SLC18A1: variants seen among roughly 807,000 people sequenced by gnomAD.
SLC18A1 encodes the protein solute carrier family 18 member A1, also known as chromaffin granule amine transporter.
Under a neutral mutation model 53.7 loss-of-function variants are expected in SLC18A1, and 69 were observed. That is an observed-to-expected ratio of 1.28 (90% CI 1.06 to 1.57). SLC18A1 has a LOEUF of 1.57. SLC18A1 is among the 40% of genes most tolerant of loss of function. The pLI is 0.00. For synonymous variants in SLC18A1, 320 were observed against 248.1 expected (o/e 1.29, Z -2.72); for missense variants, 932 against 668.1 (o/e 1.40, Z -4.35).
intron 10 of SLC18A1, among the ~76,000 whole-genome samples, chr8:20,152,794 A>G (rs892114737): frequency 3.9e-5 from 6 of 152,366 alleles, no homozygotes; most frequent in South Asian, 2.1e-4. Flanking sequence ...CAGAGATAGC[A>G]CAGGAGATGA....
chr8:20,156,249 T>C (rs1446997897), intron 10 of SLC18A1, among the ~76,000 whole-genome samples: 1 of 117,826 alleles, frequency 8.5e-6, no homozygotes, highest in Non-Finnish European at 1.8e-5. Flanking sequence ...TTCAGAACTA[T>C]CCTAAGTCAA....
Position 20,179,298 on chromosome 8 carries a change from T to C in SLC18A1, c.311A>G (p.Asn104Ser), listed in dbSNP as rs2072350933. ...ESVPSGIAWMNDTASTIPPPA... is the reference protein window; with the variant it reads ...ESVPSGIAWMSDTASTIPPPA... ...AGGTGGGATGGTGCTGGCAGTGTCA[T>C]TCATCCATGCTATTCCACTAGGTAC... is the stretch of plus-strand genomic sequence containing the variant. Residue 104 changes from asparagine to serine, a missense_variant, in exon 3 of 16, where the codon AAT (asparagine) becomes AGT (serine). By Grantham distance (46) the Asn-to-Ser change is conservative (BLOSUM62 1). Coordinates refer to ENST00000276373, the MANE Select transcript of SLC18A1 (RefSeq NM_003053.4). 5 of 1,614,074 alleles carry C rather than the reference T, an allele frequency of 3.1e-6. No individual in the cohort carries two copies. The South Asian group carries it at 4.4e-5, about 14-fold the overall frequency.
rs2071916330 is a variant in SLC18A1 at position 20,164,900 on chromosome 8, C to T, written c.984G>A (p.Met328Ile). 6.2e-7 allele frequency: 1 copy of T among 1,613,674 alleles called. No individual in the cohort carries two copies. The highest frequency in any genetic ancestry group is 8.5e-7 in the Non-Finnish European group (1 of 1,179,636). Residue 328 changes from methionine (M) to isoleucine (I), a missense_variant, in exon 10 of 16, where the codon ATG becomes ATA. By Grantham distance (10) the Met-to-Ile change is conservative. Transcript: ENST00000276373. ...GCCACTTGGGGGAGCACATGGTCTG[C>T]ATCATCCAGATGGGCAGTGTGGGCT... The part of the protein sequence containing the change: ...ILEPTLPIWM[M>I]QTMCSPKWQL...
At chr8:20,174,069 T>G (rs2072194508) in intron 5 of SLC18A1, among the ~76,000 whole-genome samples, 1 of 151,848 alleles carries the variant, frequency 6.6e-6, no homozygotes, top group East Asian at 1.9e-4. Context: ...GCTAACTTAT[T>G]CTCTCTTTTT....
intron 15 of SLC18A1, 28 bp downstream of exon 15, chr8:20,147,230 T>TTC (rs765817021): frequency 2.8e-5 from 44 of 1,568,452 alleles, no homozygotes; most frequent in Non-Finnish European, 3.8e-5. Flanking sequence ...AGAAGTGAAT[T>TTC]TCTCTTTTAA....
intron 12 of SLC18A1, chr8:20,148,332 C>T (rs1002891776): frequency 1.4e-6 from 1 of 692,650 alleles, no homozygotes; most frequent in South Asian, 1.8e-5. Context: ...AAGTTTGGAC[C>T]TCAGACTTGG....
chr8:20,168,600 G>C (rs1414038607), intron 8 of SLC18A1, among the ~76,000 whole-genome samples: 1 of 151,950 alleles, frequency 6.6e-6, no homozygotes, highest in African/African-American at 2.4e-5. Flanking sequence ...TTTTTTTTGA[G>C]ACAGAGTCTT....
At chr8:20,170,979 A>C in intron 8 of SLC18A1, 124 bp downstream of exon 8, 1 of 887,788 alleles carries the variant, frequency 1.1e-6, no homozygotes. Flanking sequence ...ATCCAAACAC[A>C]GTTCTCACTT....
rs750647375 is a variant in SLC18A1 at position 20,179,366 on chromosome 8, G to A, written c.243C>T (p.Ile81=). 1.3e-5 allele frequency: 21 copies of A among 1,614,094 alleles called. No homozygotes were observed. The highest frequency in any genetic ancestry group is 1.7e-5 in the Non-Finnish European group (20 of 1,180,056). ...HALASPAFST[I]FSFFNNNTVA... ...CGGTGTTGTTGTTGAAGAAGGAGAA[G>A]ATGGTGGAAAAGGCAGGAGAGGCGA... Residue 81 remains isoleucine, a synonymous_variant, in exon 3 of 16, where the codon ATC becomes ATT. Coordinates refer to ENST00000276373, the MANE Select transcript of SLC18A1 (RefSeq NM_003053.4).
In SLC18A1 at chr8:20,171,165, G is replaced by A. The variant is rs1283121320; in HGVS notation, c.815-19C>T. ...TGGAGTGCTAAGAAACAAAGAAGGT[G>A]AGACAGTTCAGCGTGTCTACTGATT... On this transcript the variant is annotated intron_variant, in intron 7 of 15. Coordinates refer to ENST00000276373, the MANE Select transcript of SLC18A1 (RefSeq NM_003053.4). 6 of 1,614,072 alleles carry A rather than the reference G, an allele frequency of 3.7e-6. No homozygotes were observed. Among genetic ancestry groups the A allele is most frequent in the East Asian group, 2.2e-5 (1 of 44,890 alleles).
Position 20,145,643 on chromosome 8 carries a change from G to T in SLC18A1, c.*120C>A. On this transcript the variant is annotated 3_prime_UTR_variant, in exon 16 of 16. Coordinates refer to ENST00000276373, the MANE Select transcript of SLC18A1 (RefSeq NM_003053.4). ...ACAGTGTCCATGGGAGGGGAGGAAAGAAGATTCCCAGGCAGAGGTATGTGA... is the reference window on the plus strand; with the variant it reads ...ACAGTGTCCATGGGAGGGGAGGAAATAAGATTCCCAGGCAGAGGTATGTGA... 1 of 570,830 alleles carries T rather than the reference G, an allele frequency of 1.8e-6. No individual in the cohort carries two copies. The allele number at this position is 570,830 out of a possible 1,614,324, so 35.4% of individuals were successfully genotyped here.
chr8:20,182,518 T>G (rs960723254), intron 1 of SLC18A1, among the ~76,000 whole-genome samples: 13 of 152,252 alleles, frequency 8.5e-5, no homozygotes, highest in Non-Finnish European at 1.6e-4. Context: ...AATCAATGAC[T>G]TCAGTTATCT....
intron 4 of SLC18A1, chr8:20,175,351 G>C (rs1204409266): frequency 6.6e-6 from 1 of 152,188 alleles, no homozygotes; most frequent in Non-Finnish European, 1.5e-5. Flanking sequence ...TACATCCTCA[G>C]TTTACGAAGA....
intron 12 of SLC18A1, chr8:20,148,455 T>C (rs1563719894): frequency 3.9e-6 from 5 of 1,290,866 alleles, no homozygotes; most frequent in East Asian, 5.5e-5. Flanking sequence ...TGGAATAAAG[T>C]TGCCTCTGTT....
chr8:20,180,949 G>A lies in SLC18A1; in HGVS notation c.16C>T (p.Leu6=), dbSNP rs1290233360. Residue 6 remains leucine (L), a synonymous_variant, in exon 2 of 16, where the codon CTG becomes TTG. Transcript: ENST00000276373. MLRTI[L]DAPQRLLKEG... ...TTCAGCAACCGCTGGGGAGCATCCA[G>A]AATGGTCCGGAGCATGGTGATGGCC... 1 of 1,582,102 alleles carries A rather than the reference G, an allele frequency of 6.3e-7. No individual in the cohort carries two copies. The highest frequency in any genetic ancestry group is 1.8e-5 in the Admixed American group (1 of 54,082).
intron 11 of SLC18A1, 58 bp from the exon 12 acceptor site, chr8:20,149,785 C>T (rs375961051): frequency 4.4e-5 from 67 of 1,518,218 alleles, no homozygotes; most frequent in Middle Eastern, 1.7e-4. Flanking sequence ...TCCACCTGTA[C>T]CCCATCACCG....
At chr8:20,154,191 T>G (rs2071627813) in intron 10 of SLC18A1, among the ~76,000 whole-genome samples, 1 of 152,202 alleles carries the variant, frequency 6.6e-6, no homozygotes. Flanking sequence ...TTTATAGCCA[T>G]GCAAAATGAA....
chr8:20,167,873 G>A (rs779345770), intron 8 of SLC18A1, among the ~76,000 whole-genome samples: 9 of 151,746 alleles, frequency 5.9e-5, no homozygotes, highest in Non-Finnish European at 1.2e-4. Context: ...CGCCTGCCTC[G>A]GCCTCCCAAA....
At chr8:20,148,137 G>C (rs547838022) in intron 12 of SLC18A1, 67 bp from the exon 13 acceptor site, 1 of 1,381,062 alleles carries the variant, frequency 7.2e-7, no homozygotes, top group South Asian at 1.2e-5. Context: ...GGTTCAAAGA[G>C]TTTTCACATG....
Sources: allele counts gnomAD v4.1 joint callset (sites outside exome capture counted in the v4.1 genomes callset), GRCh38; gene constraint gnomAD v4.1.1; transcripts MANE v1.5; gene names NCBI Gene and HGNC (gene_info 2026-07-23, HGNC 2026-07-21).